Variants in DERA observed in about 807,000 individuals in gnomAD.
DERA encodes the protein deoxyribose-phosphate aldolase.
A neutral mutation model predicts 41.1 loss-of-function variants in DERA; 15 were observed. The ratio of observed to expected loss-of-function variants is 0.37; its 90% CI spans 0.24 to 0.56. The LOEUF (loss-of-function observed/expected upper bound fraction) is 0.56. Ranked by LOEUF, DERA falls within the 20% of genes least tolerant of loss-of-function variation. DERA has a pLI of 0.81. For missense variants in DERA, 396 were observed against 403.4 expected (o/e 0.98, Z 0.16); for synonymous variants, 139 against 137.4 (o/e 1.01, Z -0.08).
Position 15,981,323 on chromosome 12 carries a change from G to T in DERA, c.509-985G>T, listed in dbSNP as rs1948731313. ...AGATCACGCCACTGCACTCCAGCCT[G>T]GGTGACAGAGCAAGACTCCATCTCA... is the stretch of plus-strand genomic sequence containing the variant. On this transcript the variant is annotated intron_variant, in intron 5 of 8. Transcript: ENST00000428559. This position sits in a 1 kb window ranked among gnomAD's most constrained non-coding sequence, Gnocchi z 6.1. Among the ~76,000 whole-genome samples the T allele has an allele frequency of 6.6e-6, 1 of 152,092 alleles. No individual in the cohort carries two copies. The highest frequency in any genetic ancestry group is 6.5e-5 in the Admixed American group (1 of 15,268).
intron 6 of DERA, among the ~76,000 whole-genome samples, chr12:16,029,282 G>A (rs2136188588): frequency 6.6e-6 from 1 of 152,232 alleles, no homozygotes; most frequent in South Asian, 2.1e-4. Context: ...AGTTAGCCGG[G>A]CGTAGTGGCG....
intron 5 of DERA, among the ~76,000 whole-genome samples, chr12:15,978,155 A>G (rs902856629): frequency 2.6e-5 from 4 of 152,220 alleles, no homozygotes; most frequent in African/African-American, 7.2e-5. Context: ...TCAGCCATCA[A>G]GCCACTTTGA....
chr12:15,935,662 C>T lies in DERA; in HGVS notation c.32-21274C>T, dbSNP rs1948359494. Among the ~76,000 whole-genome samples the T allele has an allele frequency of 1.3e-5, 2 of 151,886 alleles. No individual in the cohort carries two copies. The highest frequency in any genetic ancestry group is 4.1e-4 in the South Asian group (2 of 4,824). ...GGGGAAGATAAAAATAAAATAATTCCTAGTCTGCCATTTTATTTTTATGAA... is the reference window on the plus strand; with the variant it reads ...GGGGAAGATAAAAATAAAATAATTCTTAGTCTGCCATTTTATTTTTATGAA... On this transcript the variant is annotated intron_variant, in intron 1 of 8. Transcript: ENST00000428559. The surrounding 1 kb of genome is among the most constrained non-coding windows in gnomAD (Gnocchi z 4.8).
chr12:15,914,881 T>TC (rs1948188848), intron 1 of DERA, among the ~76,000 whole-genome samples: 1 of 152,160 alleles, frequency 6.6e-6, no homozygotes, highest in African/African-American at 2.4e-5. Context: ...GTTCAAGCAA[T>TC]CCTCCTGCCT....
intron 1 of DERA, among the ~76,000 whole-genome samples, chr12:15,950,862 T>C (rs1948492706): frequency 6.6e-6 from 1 of 152,250 alleles, no homozygotes; most frequent in South Asian, 2.1e-4. Flanking sequence ...TTTTCAGCAC[T>C]GCTCACTCTC....
chr12:15,990,836 T>G lies in DERA; in HGVS notation c.637+8400T>G, dbSNP rs1948797385. ...CCATGGTGCATATATATACACCACATTTTATTTATCCAGTCTATCATTGAT... is the reference window on the plus strand; with the variant it reads ...CCATGGTGCATATATATACACCACAGTTTATTTATCCAGTCTATCATTGAT... On this transcript the variant is annotated intron_variant, in intron 6 of 8. Transcript: ENST00000428559. The surrounding 1 kb of genome is among the most constrained non-coding windows in gnomAD (Gnocchi z 4.3). Among the ~76,000 whole-genome samples, 1 of 152,158 alleles carries G rather than the reference T, an allele frequency of 6.6e-6. No homozygotes were observed. Among genetic ancestry groups the G allele is most frequent in the African/African-American group, 2.4e-5 (1 of 41,452 alleles).
intron 6 of DERA, among the ~76,000 whole-genome samples, chr12:16,028,861 A>G (rs559992623): frequency 6.6e-6 from 1 of 152,316 alleles, no homozygotes; most frequent in South Asian, 2.1e-4. Flanking sequence ...AATAAGAAGA[A>G]TCTAAGAAAC....
In DERA at chr12:15,982,166, T is replaced by C. The variant is rs187602476; in HGVS notation, c.509-142T>C. ...AACTGCAACAGAATGCTCCAGGCAA[T>C]GTTAAATTGGGGTGATTTTTAGAAA... On this transcript the variant is annotated intron_variant, in intron 5 of 8. Coordinates refer to ENST00000428559, the MANE Select transcript of DERA (RefSeq NM_015954.4). This position sits in a 1 kb window ranked among gnomAD's most constrained non-coding sequence, Gnocchi z 4.0. The C allele has an allele frequency of 4.2e-4, 323 of 776,510 alleles. 2 individuals carry two copies. In the East Asian group the frequency reaches 8.6e-3, roughly 21 times the overall value. The allele number at this position is 776,510 out of a possible 1,614,324, so 48.1% of individuals were successfully genotyped here. A position where few individuals can be genotyped will look rare whatever the true frequency, so the allele number is the denominator to read the frequency against.
chr12:15,956,663 G>T, intron 1 of DERA: 3 of 491,812 alleles, frequency 6.1e-6, no homozygotes, highest in South Asian at 4.9e-5. Flanking sequence ...ATCAATACAG[G>T]TTCTTCCAGT....
rs553048305 is a variant in DERA, at chr12:15,948,198, G to A, written c.32-8738G>A. ...TAGGTGTCTTGGAGTTGCTCTTCTC[G>A]AGGAGTATCTTTGTGGCGTTCTCTG... On this transcript the variant is annotated intron_variant, in intron 1 of 8. Coordinates refer to ENST00000428559, the MANE Select transcript of DERA (RefSeq NM_015954.4). Among the ~76,000 whole-genome samples, 14 of 152,142 alleles carry A rather than the reference G, an allele frequency of 9.2e-5. No homozygotes were observed. In the South Asian group the frequency reaches 1.9e-3, roughly 20 times the overall value.
intron 7 of DERA, among the ~76,000 whole-genome samples, chr12:16,034,477 A>G (rs529690498): frequency 1.4e-4 from 22 of 152,260 alleles, no homozygotes; most frequent in Admixed American, 1.4e-3. Context: ...TTTTATTAAG[A>G]AAAAGACAGG....
intron 7 of DERA, among the ~76,000 whole-genome samples, chr12:16,033,580 G>GTT (rs1055873175): frequency 3.9e-5 from 2 of 51,886 alleles, no homozygotes; most frequent in African/African-American, 1.2e-4. Context: ...GGAGAGCAAG[G>GTT]TTGTGTGTGT....
chr12:16,011,807 T>G lies in DERA; in HGVS notation c.638-20735T>G, dbSNP rs1417596529. On this transcript the variant is annotated intron_variant, in intron 6 of 8. Coordinates refer to ENST00000428559, the MANE Select transcript of DERA (RefSeq NM_015954.4). This position sits in a 1 kb window ranked among gnomAD's most constrained non-coding sequence, Gnocchi z 4.7. ...ATACTGAGTCTAAAATACCTTAATA[T>G]TTTGTTCAAACTATTATACCTATAT... 1.3e-5 allele frequency among the ~76,000 whole-genome samples: 2 copies of G among 152,204 alleles called. No homozygotes were observed. The highest frequency in any genetic ancestry group is 4.8e-5 in the African/African-American group (2 of 41,472).
rs574172808 is a variant in DERA at position 15,998,932 on chromosome 12, A to G, written c.637+16496A>G. Among the ~76,000 whole-genome samples, 1 of 152,306 alleles carries G rather than the reference A, an allele frequency of 6.6e-6. No individual in the cohort carries two copies. The highest frequency in any genetic ancestry group is 1.9e-4 in the East Asian group (1 of 5,186). ...AGTGTTTTTCTAAGAGCAAGAATTT[A>G]TATTTTAAATTTAGGTCTCTCAGGA... On this transcript the variant is annotated intron_variant, in intron 6 of 8. Transcript: ENST00000428559. The surrounding 1 kb of genome is among the most constrained non-coding windows in gnomAD (Gnocchi z 4.8).
chr12:16,028,490 G>A (rs1949068578), intron 6 of DERA, among the ~76,000 whole-genome samples: 1 of 152,126 alleles, frequency 6.6e-6, no homozygotes, highest in South Asian at 2.1e-4. Context: ...CCAAGCCCCT[G>A]CTCGAGGAGG....
chr12:15,973,242 A>G (rs1267240445), intron 5 of DERA, among the ~76,000 whole-genome samples: 4 of 152,194 alleles, frequency 2.6e-5, no homozygotes, highest in African/African-American at 9.6e-5. Flanking sequence ...CTGGGCTTCT[A>G]GCACACCCAC....
At chr12:15,947,423 A>G (rs1188735858) in intron 1 of DERA, among the ~76,000 whole-genome samples, 1 of 152,122 alleles carries the variant, frequency 6.6e-6, no homozygotes, top group Admixed American at 6.5e-5. Flanking sequence ...TAGGGTAGTT[A>G]GCTCTTCTTG....
rs1346035502 is a variant in DERA, at chr12:16,011,251, T to G, written c.638-21291T>G. On this transcript the variant is annotated intron_variant, in intron 6 of 8. Coordinates refer to ENST00000428559, the MANE Select transcript of DERA (RefSeq NM_015954.4). The surrounding 1 kb of genome is among the most constrained non-coding windows in gnomAD (Gnocchi z 4.7). ...TGGCTTATTTTGTTAAAATGTTTCT[T>G]CATTTTACTCATCTTTGCCAAAGCA... Among the ~76,000 whole-genome samples the G allele has an allele frequency of 1.3e-5, 2 of 152,210 alleles. No homozygotes were observed. The highest frequency in any genetic ancestry group is 4.8e-5 in the African/African-American group (2 of 41,448).
In DERA at chr12:15,990,245, G is replaced by T. The variant is rs533779237; in HGVS notation, c.637+7809G>T. On this transcript the variant is annotated intron_variant, in intron 6 of 8. Transcript: ENST00000428559. This position sits in a 1 kb window ranked among gnomAD's most constrained non-coding sequence, Gnocchi z 4.3. ...ATGACATTGAGCTGGATTTCTTTCT[G>T]TACTGATTCCAAAGCTTACTATATT... Among the ~76,000 whole-genome samples, 2 of 152,150 alleles carry T rather than the reference G, an allele frequency of 1.3e-5. No individual in the cohort carries two copies. Among genetic ancestry groups the T allele is most frequent in the Admixed American group, 6.5e-5 (1 of 15,276 alleles).
Sources: allele counts gnomAD v4.1 joint callset (sites outside exome capture counted in the v4.1 genomes callset), GRCh38; gene constraint gnomAD v4.1.1; non-coding constraint Gnocchi (gnomAD v3.1); transcripts MANE v1.5; gene names NCBI Gene and HGNC (gene_info 2026-07-23, HGNC 2026-07-21).